PPP3CA: variants seen among roughly 807,000 people sequenced by gnomAD.
PPP3CA encodes protein phosphatase 3 catalytic subunit alpha.
PPP3CA carries 14 observed loss-of-function variants against 66.5 expected under a neutral mutation model. The observed-to-expected ratio is 0.21, with a 90% CI of 0.14 to 0.33. PPP3CA has a LOEUF of 0.33. Among genes scored for constraint, PPP3CA ranks in the 10% least tolerant of loss-of-function variants. PPP3CA has a pLI of 1.00. For synonymous variants in PPP3CA, 232 were observed against 226.2 expected (o/e 1.03, Z -0.23); for missense variants, 317 against 639.5 (o/e 0.50, Z 5.44).
chr4:101,109,253 T>G (rs2110263664), intron 2 of PPP3CA, among the ~76,000 whole-genome samples, 175 bp from the exon 3 acceptor site: 1 of 149,086 alleles, frequency 6.7e-6, no homozygotes, highest in African/African-American at 2.5e-5. Context: ...GTTTCCAAAT[T>G]TAATTAGTGG....
chr4:101,147,870 T>C (rs989421263), intron 2 of PPP3CA, among the ~76,000 whole-genome samples: 10 of 152,182 alleles, frequency 6.6e-5, no homozygotes, highest in Admixed American at 5.9e-4. Flanking sequence ...CATTATTTTT[T>C]CTAGCTGTCA....
intron 1 of PPP3CA, among the ~76,000 whole-genome samples, chr4:101,201,217 T>G (rs1724957353): frequency 6.6e-6 from 1 of 152,224 alleles, no homozygotes; most frequent in African/African-American, 2.4e-5. Context: ...TACTGGACAG[T>G]GGTATTCTAG....
rs565241261 is a variant in PPP3CA, at chr4:101,157,878, A to C, written c.259+38038T>G. Among the ~76,000 whole-genome samples the C allele has an allele frequency of 2.0e-5, 3 of 151,584 alleles. No homozygotes were observed. In the East Asian group the frequency reaches 5.8e-4, roughly 29 times the overall value. ...GTTCCTTAGGAGGCAAAAAAAAAAAAAAAAAAAAAAACCTCTCAGTCTTCA... is the reference window on the plus strand; with the variant it reads ...GTTCCTTAGGAGGCAAAAAAAAAAACAAAAAAAAAAACCTCTCAGTCTTCA... On this transcript the variant is annotated intron_variant, in intron 2 of 13. Coordinates refer to ENST00000394854, the MANE Select transcript of PPP3CA (RefSeq NM_000944.5).
Position 101,025,624 on chromosome 4 carries a change from G to T in PPP3CA, c.*241C>A. 1 of 377,062 alleles carries T rather than the reference G, an allele frequency of 2.7e-6. No individual in the cohort carries two copies. Among genetic ancestry groups the T allele is most frequent in the Non-Finnish European group, 4.7e-6 (1 of 212,056 alleles). The allele number at this position is 377,062 out of a possible 1,614,324, so 23.4% of individuals were successfully genotyped here. On this transcript the variant is annotated 3_prime_UTR_variant, in exon 14 of 14. Coordinates refer to ENST00000394854, the MANE Select transcript of PPP3CA (RefSeq NM_000944.5). ...TTTTTAAAATTTTTTTTCTCTATAAGCATTTTTAAAAGGCATACCCAAAAG... is the reference window on the plus strand; with the variant it reads ...TTTTTAAAATTTTTTTTCTCTATAATCATTTTTAAAAGGCATACCCAAAAG...
chr4:101,049,226 A>C (rs1220085789), intron 10 of PPP3CA, among the ~76,000 whole-genome samples: 2 of 152,196 alleles, frequency 1.3e-5, no homozygotes, highest in African/African-American at 4.8e-5. Flanking sequence ...GAGTCGCAGA[A>C]GCTGACTATA....
chr4:101,328,090 T>A (rs1379311362), intron 1 of PPP3CA, among the ~76,000 whole-genome samples: 1 of 152,136 alleles, frequency 6.6e-6, no homozygotes, highest in African/African-American at 2.4e-5. Context: ...GTAAGAGGCC[T>A]CCGTGTGAAA....
At chr4:101,135,370 C>G (rs796202782) in intron 2 of PPP3CA, among the ~76,000 whole-genome samples, 17 of 152,078 alleles carry the variant, frequency 1.1e-4, no homozygotes, top group African/African-American at 4.1e-4. Flanking sequence ...GTGTTGAAAC[C>G]CTTAGTGCAA....
At chr4:101,318,683 A>G (rs1471738412) in intron 1 of PPP3CA, among the ~76,000 whole-genome samples, 1 of 152,170 alleles carries the variant, frequency 6.6e-6, no homozygotes, top group Non-Finnish European at 1.5e-5. Flanking sequence ...AAGAGTCATT[A>G]AAGTTTTCAT....
intron 1 of PPP3CA, among the ~76,000 whole-genome samples, chr4:101,335,242 A>G (rs1729587125): frequency 6.6e-6 from 1 of 151,990 alleles, no homozygotes; most frequent in South Asian, 2.1e-4. Context: ...AATTACAACC[A>G]ATTTTACTAC....
chr4:101,329,361 A>G (rs1026997072), intron 1 of PPP3CA, among the ~76,000 whole-genome samples: 2 of 152,198 alleles, frequency 1.3e-5, no homozygotes, highest in African/African-American at 2.4e-5. Context: ...GCTGCAGAGA[A>G]AAAGTTGGAA....
At chr4:101,191,399 T>G (rs1045114148) in intron 2 of PPP3CA, among the ~76,000 whole-genome samples, 4 of 152,168 alleles carry the variant, frequency 2.6e-5, no homozygotes, top group African/African-American at 9.7e-5. Flanking sequence ...ATAATCACTT[T>G]TTTAACCAAG....
intron 11 of PPP3CA, among the ~76,000 whole-genome samples, chr4:101,039,519 C>T (rs1727409688): frequency 6.9e-6 from 1 of 144,220 alleles, no homozygotes; most frequent in Non-Finnish European, 1.6e-5. Context: ...CATGGCTGGT[C>T]GTGAATGTGC....
intron 2 of PPP3CA, among the ~76,000 whole-genome samples, chr4:101,146,812 C>A (rs1722985458): frequency 6.6e-6 from 1 of 152,144 alleles, no homozygotes; most frequent in Non-Finnish European, 1.5e-5. Context: ...GATTGAATAT[C>A]CCTTATCCAA....
At chr4:101,257,824 T>G (rs1726893858) in intron 1 of PPP3CA, among the ~76,000 whole-genome samples, 1 of 152,146 alleles carries the variant, frequency 6.6e-6, no homozygotes, top group East Asian at 1.9e-4. Context: ...ATTTTACATT[T>G]GTCTCTCTAT....
chr4:101,324,589 C>T (rs946834779), intron 1 of PPP3CA, among the ~76,000 whole-genome samples: 3 of 152,070 alleles, frequency 2.0e-5, no homozygotes, highest in East Asian at 3.9e-4. Context: ...TGTAATGATG[C>T]GAATTTATTT....
chr4:101,217,911 A>G (rs191136018), intron 1 of PPP3CA, among the ~76,000 whole-genome samples: 20 of 152,240 alleles, frequency 1.3e-4, no homozygotes, highest in African/African-American at 4.8e-4. Context: ...CCTTTTCTAC[A>G]TTCCTGCATG....
At chr4:101,100,652 A>G (rs1730404382) in intron 3 of PPP3CA, among the ~76,000 whole-genome samples, 1 of 152,200 alleles carries the variant, frequency 6.6e-6, no homozygotes, top group Non-Finnish European at 1.5e-5. Context: ...ATCCATAGGG[A>G]ACAGAAAATC....
chr4:101,043,933 C>G (rs1281160210), intron 10 of PPP3CA, among the ~76,000 whole-genome samples: 1 of 152,108 alleles, frequency 6.6e-6, no homozygotes, highest in East Asian at 1.9e-4. Context: ...TCTTATAAAA[C>G]TGAAATATAT....
intron 1 of PPP3CA, among the ~76,000 whole-genome samples, chr4:101,228,232 CCAT>C (rs1198446517): frequency 1.3e-5 from 2 of 151,682 alleles, no homozygotes; most frequent in African/African-American, 4.8e-5. Context: ...TTTGAAATCA[CCAT>C]GAGACTGCTC....
Sources: gnomAD v4.1 joint callset for allele counts (sites outside exome capture counted in the v4.1 genomes callset) on GRCh38, gnomAD v4.1.1 for gene constraint, MANE v1.5 for transcripts, NCBI Gene and HGNC (gene_info 2026-07-23, HGNC 2026-07-21) for gene names.